PTPN14: variants seen among roughly 807,000 people sequenced by gnomAD.
PTPN14 encodes the protein tyrosine-protein phosphatase non-receptor type 14.
PTPN14 carries 53 observed loss-of-function variants against 126.8 expected under a neutral mutation model. The ratio of observed to expected loss-of-function variants is 0.42; its 90% confidence interval spans 0.34 to 0.53. The LOEUF (loss-of-function observed/expected upper bound fraction) is 0.53, where lower values mean the gene tolerates loss of function less well. PTPN14 is among the 20% of genes least tolerant of loss of function. PTPN14 has a pLI of 0.08. For synonymous variants in PTPN14, 630 were observed against 599.3 expected (o/e 1.05, Z -0.75); for missense variants, 1,257 against 1,552.9 (o/e 0.81, Z 3.20).
chr1:214,416,709 C>T (rs768333459), intron 3 of PTPN14, among the ~76,000 whole-genome samples: 28 of 152,272 alleles, frequency 1.8e-4, no homozygotes, highest in African/African-American at 5.5e-4. Context: ...GCTATTACCA[C>T]GAGATTGTGG....
intron 1 of PTPN14, among the ~76,000 whole-genome samples, chr1:214,542,060 C>G (rs1228865673): frequency 6.6e-6 from 1 of 152,156 alleles, no homozygotes; most frequent in Non-Finnish European, 1.5e-5. Flanking sequence ...CATACCCTGT[C>G]TTTTGTGTTT....
At chr1:214,505,757 G>A (rs1165480860) in intron 1 of PTPN14, among the ~76,000 whole-genome samples, 1 of 152,114 alleles carries the variant, frequency 6.6e-6, no homozygotes, top group Non-Finnish European at 1.5e-5. Flanking sequence ...ATTAGCCGAG[G>A]TGGTGGCATG....
chr1:214,473,536 T>A (rs1235503948), intron 1 of PTPN14, among the ~76,000 whole-genome samples: 1 of 152,246 alleles, frequency 6.6e-6, no homozygotes, highest in Non-Finnish European at 1.5e-5. Context: ...CAACAGTCTT[T>A]GGAATTTCTC....
At chr1:214,439,100 T>A (rs963146929) in intron 3 of PTPN14, among the ~76,000 whole-genome samples, 1 of 152,242 alleles carries the variant, frequency 6.6e-6, no homozygotes, top group African/African-American at 2.4e-5. Flanking sequence ...GTGTTTTTTT[T>A]ATTGTTTTAT....
chr1:214,423,833 T>C (rs1043622632), intron 3 of PTPN14, among the ~76,000 whole-genome samples: 3 of 151,506 alleles, frequency 2.0e-5, no homozygotes, highest in Non-Finnish European at 4.4e-5. Context: ...ATACAAAAAT[T>C]AGCCAGGCAT....
At chr1:214,387,978 T>C (rs1259829650) in intron 11 of PTPN14, among the ~76,000 whole-genome samples, 1 of 152,092 alleles carries the variant, frequency 6.6e-6, no homozygotes, top group Non-Finnish European at 1.5e-5. Flanking sequence ...GAACCAAGTG[T>C]GCAAAGGGCC....
At position 214,349,048 on chromosome 1, in the gene PTPN14, G is replaced by A. The variant is rs1657654778; in HGVS notation, c.*8874C>T. 3 of 152,156 alleles carry A rather than the reference G, an allele frequency of 2.0e-5. No individual in the cohort carries two copies. The highest frequency in any genetic ancestry group is 2.0e-4 in the Admixed American group (3 of 15,268). 9.4% of individuals were successfully genotyped at this position (152,156 alleles called of 1,614,324 possible). Reference sequence around the variant, plus strand: ...AAATTGATAGGGAGTCTATACCAAAGTACAGTTGACATGAATAGTGATAAA... The same window carrying A: ...AAATTGATAGGGAGTCTATACCAAAATACAGTTGACATGAATAGTGATAAA... On this transcript the variant is annotated 3_prime_UTR_variant, in exon 19 of 19. Transcript: ENST00000366956.
chr1:214,491,138 A>G (rs1490897191), intron 1 of PTPN14, among the ~76,000 whole-genome samples: 1 of 152,072 alleles, frequency 6.6e-6, no homozygotes, highest in African/African-American at 2.4e-5. Context: ...CATGGGCAAG[A>G]TTTTTTAAAT....
chr1:214,424,270 G>A (rs1332608936), intron 3 of PTPN14, among the ~76,000 whole-genome samples: 1 of 151,364 alleles, frequency 6.6e-6, no homozygotes, highest in East Asian at 2.0e-4. Context: ...ACTCCAGCCT[G>A]GGCAACAGAG....
intron 5 of PTPN14, among the ~76,000 whole-genome samples, chr1:214,407,568 G>A (rs958675095): frequency 6.6e-6 from 1 of 151,398 alleles, no homozygotes; most frequent in African/African-American, 2.4e-5. Context: ...TAACCATTAA[G>A]ACCAAGATTA....
At chr1:214,373,741 G>A (rs1291010052) in intron 15 of PTPN14, among the ~76,000 whole-genome samples, 1 of 151,776 alleles carries the variant, frequency 6.6e-6, no homozygotes, top group Non-Finnish European at 1.5e-5. Context: ...CCCTTTTGGA[G>A]CACTATCTTT....
chr1:214,426,032 CAAAAAAAA>C (rs66656875), intron 3 of PTPN14, among the ~76,000 whole-genome samples: 8 of 33,870 alleles, frequency 2.4e-4, no homozygotes, highest in Admixed American at 5.3e-4. Context: ...GCATAAATCG[CAAAAAAAA>C]AAAAAAAAAA....
At chr1:214,480,991 T>C (rs936511996) in intron 1 of PTPN14, among the ~76,000 whole-genome samples, 3 of 152,076 alleles carry the variant, frequency 2.0e-5, no homozygotes, top group African/African-American at 7.2e-5. Flanking sequence ...AGATGAAAAT[T>C]TGCAACCATC....
At chr1:214,509,565 T>C (rs1195325583) in intron 1 of PTPN14, among the ~76,000 whole-genome samples, 2 of 152,260 alleles carry the variant, frequency 1.3e-5, no homozygotes, top group African/African-American at 2.4e-5. Context: ...GCACATGTTA[T>C]CATTCATGTG....
At chr1:214,423,013 C>T (rs889211562) in intron 3 of PTPN14, among the ~76,000 whole-genome samples, 45 of 152,162 alleles carry the variant, frequency 3.0e-4, no homozygotes, top group African/African-American at 1.0e-3. Flanking sequence ...GAATTTCCTG[C>T]CAAAAGCAGA....
chr1:214,505,182 GAA>G (rs59339685), intron 1 of PTPN14, among the ~76,000 whole-genome samples: 3 of 144,594 alleles, frequency 2.1e-5, no homozygotes, highest in African/African-American at 5.0e-5. Context: ...ACCCGCCAGG[GAA>G]AAAAAAAAAA....
intron 1 of PTPN14, among the ~76,000 whole-genome samples, chr1:214,546,926 A>AG (rs1212830857): frequency 6.6e-6 from 1 of 152,126 alleles, no homozygotes; most frequent in Non-Finnish European, 1.5e-5. Context: ...CAAAAGCTTG[A>AG]GGGGGGAAGA....
chr1:214,523,398 G>A (rs2102459991), intron 1 of PTPN14, among the ~76,000 whole-genome samples: 1 of 152,190 alleles, frequency 6.6e-6, no homozygotes, highest in South Asian at 2.1e-4. Context: ...TATTTTTACT[G>A]TGCTCTATGT....
chr1:214,478,336 T>A (rs1467357921), intron 1 of PTPN14, among the ~76,000 whole-genome samples: 1 of 152,170 alleles, frequency 6.6e-6, no homozygotes, highest in East Asian at 1.9e-4. Flanking sequence ...ACAATGCTCA[T>A]GATGTGTTAC....
Sources: allele counts gnomAD v4.1 joint callset (sites outside exome capture counted in the v4.1 genomes callset), GRCh38; gene constraint gnomAD v4.1.1; transcripts MANE v1.5; gene names NCBI Gene and HGNC (gene_info 2026-07-23, HGNC 2026-07-21).